The following PEAK1 variants were observed in gnomAD, a reference collection of about 807,000 sequenced individuals.
PEAK1 encodes inactive tyrosine-protein kinase PEAK1.
PEAK1 carries 54 observed loss-of-function variants against 124.7 expected under a neutral mutation model. That is an observed-to-expected ratio of 0.43 (90% CI 0.35 to 0.54). PEAK1 has a LOEUF of 0.54. Ranked by LOEUF, PEAK1 falls within the 20% of genes least tolerant of loss-of-function variation. The pLI is 0.01. For synonymous variants in PEAK1, 719 were observed against 760.0 expected (o/e 0.95, Z 0.89); for missense variants, 2,046 against 2,134.5 (o/e 0.96, Z 0.82).
At chr15:77,267,901 G>A (rs369097623) in intron 5 of PEAK1, among the ~76,000 whole-genome samples, 399 of 152,024 alleles carry the variant, frequency 2.6e-3, no homozygotes, top group Non-Finnish European at 3.0e-3. Flanking sequence ...TCACAAAGTC[G>A]ACTATTAAGC....
At chr15:77,355,053 A>C (rs535176645) in intron 2 of PEAK1, among the ~76,000 whole-genome samples, 279 of 152,200 alleles carry the variant, frequency 1.8e-3, no homozygotes, top group Middle Eastern at 3.4e-3. Flanking sequence ...AAAAAAAAAA[A>C]AACCACTTAA....
intron 1 of PEAK1, among the ~76,000 whole-genome samples, chr15:77,394,291 AG>A (rs947431102): frequency 8.5e-5 from 13 of 152,212 alleles, no homozygotes; most frequent in Admixed American, 3.3e-4. Context: ...CATAGGCAAT[AG>A]GCAGGCAGTG....
intron 1 of PEAK1, chr15:77,381,472 A>C (rs1055916319): frequency 1.3e-5 from 13 of 966,056 alleles, no homozygotes; most frequent in Non-Finnish European, 1.2e-5. Context: ...AATGGCTCTA[A>C]GAACAGTAAA....
At chr15:77,417,899 T>G (rs997121153) in intron 1 of PEAK1, 2 of 983,866 alleles carry the variant, frequency 2.0e-6, no homozygotes, top group Non-Finnish European at 2.4e-6. Context: ...AAAACATGTA[T>G]GCAAATAAGC....
At chr15:77,244,390 T>G (rs2060487203) in intron 6 of PEAK1, among the ~76,000 whole-genome samples, 1 of 152,204 alleles carries the variant, frequency 6.6e-6, no homozygotes, top group African/African-American at 2.4e-5. Flanking sequence ...ACAGTGGATC[T>G]ATTAACATTT....
chr15:77,223,886 ATTTTT>A (rs10719377), intron 6 of PEAK1, among the ~76,000 whole-genome samples: 1 of 121,606 alleles, frequency 8.2e-6, no homozygotes. Flanking sequence ...CATTTGAGAG[ATTTTT>A]TTTTTTTTTT....
At chr15:77,364,065 G>T (rs1400442087) in intron 2 of PEAK1, among the ~76,000 whole-genome samples, 2 of 152,128 alleles carry the variant, frequency 1.3e-5, no homozygotes, top group Non-Finnish European at 2.9e-5. Context: ...CAGGCATGGT[G>T]GCACACACCT....
intron 5 of PEAK1, among the ~76,000 whole-genome samples, chr15:77,273,242 CAT>C (rs1005380063): frequency 2.1e-4 from 32 of 152,286 alleles, no homozygotes; most frequent in African/African-American, 7.7e-4. Context: ...TTCTATTCAA[CAT>C]AGTACTGGAA....
At chr15:77,254,078 C>T (rs1393333135) in intron 5 of PEAK1, among the ~76,000 whole-genome samples, 1 of 152,164 alleles carries the variant, frequency 6.6e-6, no homozygotes, top group Non-Finnish European at 1.5e-5. Context: ...CCTTGGCCTC[C>T]CAAAGTGCTA....
intron 2 of PEAK1, chr15:77,348,462 G>A (rs1034442848): frequency 1.1e-6 from 1 of 948,648 alleles, no homozygotes; most frequent in Admixed American, 6.2e-5. Flanking sequence ...TAAATAATAG[G>A]TTGTAAAAGC....
chr15:77,240,687 T>C lies in PEAK1; in HGVS notation c.-115+11680A>G, dbSNP rs2060316962. On this transcript the variant is annotated intron_variant, in intron 6 of 9. Transcript: ENST00000682557. ...TTAAAAACTTTATTGTAAAAGTAAA[T>C]CTACGGGTGTAATCATAGTAAAACT... 2.0e-5 allele frequency among the ~76,000 whole-genome samples: 3 copies of C among 152,126 alleles called. No homozygotes were observed. In the South Asian group the frequency reaches 6.2e-4, roughly 32 times the overall value.
intron 8 of PEAK1, among the ~76,000 whole-genome samples, chr15:77,149,618 G>A (rs1486219447): frequency 1.3e-5 from 2 of 152,126 alleles, no homozygotes; most frequent in African/African-American, 4.8e-5. Context: ...AACCCCCTTA[G>A]CTTAGAACTA....
intron 8 of PEAK1, among the ~76,000 whole-genome samples, chr15:77,145,347 G>A (rs543346878): frequency 7.2e-5 from 11 of 152,196 alleles, no homozygotes; most frequent in African/African-American, 2.6e-4. Context: ...TATTCGGGAG[G>A]TTGAGGCATG....
At chr15:77,415,180 C>T (rs1403494616) in intron 1 of PEAK1, among the ~76,000 whole-genome samples, 1 of 152,172 alleles carries the variant, frequency 6.6e-6, no homozygotes, top group East Asian at 1.9e-4. Flanking sequence ...GTGAGGTCTA[C>T]AATCTGAAAT....
At chr15:77,122,439 G>A (rs930448069) in intron 9 of PEAK1, among the ~76,000 whole-genome samples, 1 of 152,168 alleles carries the variant, frequency 6.6e-6, no homozygotes, top group Non-Finnish European at 1.5e-5. Context: ...ATGATGCCCA[G>A]GATGTTCACA....
intron 6 of PEAK1, among the ~76,000 whole-genome samples, chr15:77,216,792 A>T (rs369873583): frequency 6.6e-6 from 1 of 152,204 alleles, no homozygotes; most frequent in African/African-American, 2.4e-5. Flanking sequence ...TTGCCACTCA[A>T]CGGGGGCCAA....
At chr15:77,150,641 T>G (rs1315432384) in intron 8 of PEAK1, among the ~76,000 whole-genome samples, 2 of 151,236 alleles carry the variant, frequency 1.3e-5, no homozygotes, top group African/African-American at 2.4e-5. Context: ...TAGGTATATC[T>G]CCTAATGCTA....
chr15:77,120,407 C>T (rs1258709669), intron 9 of PEAK1, among the ~76,000 whole-genome samples: 1 of 152,174 alleles, frequency 6.6e-6, no homozygotes, highest in Admixed American at 6.5e-5. Flanking sequence ...CTCTCCGTCC[C>T]ACCAAACTCA....
intron 1 of PEAK1, 23 bp from the exon 2 acceptor site, chr15:77,365,248 A>G (rs1458319360): frequency 3.8e-5 from 36 of 951,836 alleles, no homozygotes; most frequent in Admixed American, 6.2e-5. Flanking sequence ...AAACAAACAG[A>G]AAAAGACATG....
Sources: gnomAD v4.1 joint callset for allele counts (sites outside exome capture counted in the v4.1 genomes callset) on GRCh38, gnomAD v4.1.1 for gene constraint, MANE v1.5 for transcripts, NCBI Gene and HGNC (gene_info 2026-07-23, HGNC 2026-07-21) for gene names.